The following ZFP90 variants were observed in gnomAD, a reference collection of about 807,000 sequenced individuals.
ZFP90 encodes the protein ZFP90 zinc finger protein.
In ZFP90, 38 loss-of-function variants were observed where a neutral mutation model predicts 60.8. That is an observed-to-expected ratio of 0.62 (90% CI 0.48 to 0.82). The LOEUF is 0.82. Among genes scored for constraint, ZFP90 ranks in the 40% least tolerant of loss-of-function variants. ZFP90 has a pLI of 0.00. For missense variants in ZFP90, 711 were observed against 759.1 expected (o/e 0.94, Z 0.74); for synonymous variants, 287 against 264.8 (o/e 1.08, Z -0.82).
chr16:68,557,430 A>C (rs1489100448), intron 2 of ZFP90: 2 of 360,106 alleles, frequency 5.6e-6, no homozygotes, highest in East Asian at 7.4e-5. Flanking sequence ...TTATTCCACT[A>C]TGCAAAGATC....
At chr16:68,554,785 C>T (rs766816043) in intron 2 of ZFP90, among the ~76,000 whole-genome samples, 1 of 152,058 alleles carries the variant, frequency 6.6e-6, no homozygotes, top group East Asian at 1.9e-4. Context: ...GACCCCATCT[C>T]TATTAAACAA....
rs551779570 is a variant in ZFP90 at position 68,548,474 on chromosome 16, C to CTTTTTT, written c.33+8674_33+8679dup. On this transcript the variant is annotated intron_variant, in intron 2 of 4. Transcript: ENST00000563169. Reference sequence around the variant, plus strand: ...ATATTTCACTGTTCTGTTTATCCTCCTTTTTTTTTTTTTTTTTTTTTTTTT... The same window carrying CTTTTTT: ...ATATTTCACTGTTCTGTTTATCCTCCTTTTTTTTTTTTTTTTTTTTTTTTTTTTTTT... 1.2e-3 allele frequency among the ~76,000 whole-genome samples: 100 copies of CTTTTTT among 81,082 alleles called. 7 individuals carry two copies. The highest frequency in any genetic ancestry group is 4.9e-3 in the African/African-American group (93 of 19,012). The allele number at this position is 81,082 out of a possible 152,430, so 53.2% of individuals were successfully genotyped here. A position where few individuals can be genotyped will look rare whatever the true frequency, so the allele number is the denominator to read the frequency against.
intron 2 of ZFP90, among the ~76,000 whole-genome samples, chr16:68,572,569 T>A (rs904654275): frequency 3.3e-5 from 5 of 152,132 alleles, no homozygotes; most frequent in Admixed American, 6.5e-5. Flanking sequence ...CCTATAGATA[T>A]AAAAACCATG....
At chr16:68,558,369 C>A (rs755009799) in intron 3 of ZFP90, 104 bp from the exon 4 acceptor site, 2 of 1,228,710 alleles carry the variant, frequency 1.6e-6, no homozygotes, top group Non-Finnish European at 1.2e-6. Context: ...CTTTTTTTTC[C>A]TTCAGAGTTC....
chr16:68,575,881 A>G (rs1438857430), exon 3 of ZFP90: 1 of 398,382 alleles, frequency 2.5e-6, no homozygotes, highest in East Asian at 3.6e-5. Flanking sequence ...GAGTGATGTC[A>G]GCAAGAATGG....
chr16:68,564,585 C>T lies in ZFP90; in HGVS notation c.1798C>T (p.Gln600Ter), dbSNP rs1484406717. The change falls in exon 5 of 5, where the codon CAG becomes TAG. Residue 600 changes from glutamine (Q) to a stop codon, truncating the protein, a stop_gained. Transcript: ENST00000563169. LOFTEE classifies it high-confidence loss of function. ...FRKKTNLHDHQRIHTGEKPYS... is the reference protein window; with the variant it reads ...FRKKTNLHDH ...AAAAAAAACCAACCTGCATGATCAT[C>T]AGAGAATTCATACTGGAGAAAAACC... 4.3e-6 allele frequency: 7 copies of T among 1,614,038 alleles called. No individual in the cohort carries two copies. Among genetic ancestry groups the T allele is most frequent in the Non-Finnish European group, 5.9e-6 (7 of 1,179,980 alleles).
Position 68,541,155 on chromosome 16 carries a change from C to T in ZFP90, c.33+1330C>T, listed in dbSNP as rs147584963. On this transcript the variant is annotated intron_variant, in intron 2 of 4. Transcript: ENST00000563169. ...GGTTCAAGTGATTCTCCTGCCTCAA[C>T]CTCCCTAGTAGCTGGGATTAACAGG... Among the ~76,000 whole-genome samples, 796 of 152,180 alleles carry T rather than the reference C, an allele frequency of 5.2e-3. 3 individuals carry two copies. The highest frequency in any genetic ancestry group is 0.017 in the African/African-American group (725 of 41,526).
At chr16:68,539,647 C>A in intron 1 of ZFP90, 111 bp from the exon 2 acceptor site, 1 of 886,928 alleles carries the variant, frequency 1.1e-6, no homozygotes, top group Non-Finnish European at 1.6e-6. Context: ...TTCCACGGTC[C>A]TCGCCACCAT....
At position 68,558,546 on chromosome 16, in the gene ZFP90, A is replaced by G. The variant is rs748827285; in HGVS notation, c.234A>G (p.Glu78=). 6.2e-7 allele frequency: 1 copy of G among 1,613,824 alleles called. No individual in the cohort carries two copies. Among genetic ancestry groups the G allele is most frequent in the Non-Finnish European group, 8.5e-7 (1 of 1,179,952 alleles). Residue 78 remains glutamate, a synonymous_variant, in exon 4 of 5, where the codon GAA becomes GAG. Transcript: ENST00000563169. ...AAGAGCCATGGATATCAGAGGGAGA[A>G]ATCCAACGACCTTTCTATCCAGGTA... is the stretch of plus-strand genomic sequence containing the variant. The part of the protein sequence containing the change: ...QGEEPWISEG[E]IQRPFYPDWK...
intron 2 of ZFP90, among the ~76,000 whole-genome samples, chr16:68,549,786 G>A (rs2091225840): frequency 6.6e-6 from 1 of 152,066 alleles, no homozygotes; most frequent in Admixed American, 6.6e-5. Flanking sequence ...GGAGCACGGA[G>A]GATGTGGGGA....
At chr16:68,569,793 T>A (rs572836107), downstream of ZFP90, among the ~76,000 whole-genome samples, 16 of 152,260 alleles carry the variant, frequency 1.1e-4, no homozygotes, top group East Asian at 1.9e-4. Flanking sequence ...ATAATTTTTT[T>A]AAAAAAGGAA....
At chr16:68,542,097 A>G (rs571682303) in intron 2 of ZFP90, among the ~76,000 whole-genome samples, 1 of 152,266 alleles carries the variant, frequency 6.6e-6, no homozygotes, top group East Asian at 1.9e-4. Flanking sequence ...CCTCAGGGGA[A>G]TGCAAAGATT....
At position 68,539,583 on chromosome 16, in the gene ZFP90, G is replaced by A. The variant is rs541906673; in HGVS notation, c.-36+104G>A. On this transcript the variant is annotated intron_variant, in intron 1 of 4. Coordinates refer to ENST00000563169, the MANE Select transcript of ZFP90 (RefSeq NM_001305203.2). ...TGGGCGTGGCCGGAGGGGGGTGTCC[G>A]GGAGGCCGCTGAGCCTTTCATTTCG... The A allele has an allele frequency of 1.3e-4, 74 of 558,538 alleles. No homozygotes were observed. The South Asian group carries it at 1.7e-3, about 12-fold the overall frequency. 34.6% of individuals were successfully genotyped at this position (558,538 alleles called of 1,614,324 possible).
Position 68,565,961 on chromosome 16 carries a change from T to A in ZFP90, c.*1263T>A, listed in dbSNP as rs1189481948. 560 of 583,796 alleles carry A rather than the reference T, an allele frequency of 9.6e-4. No individual in the cohort carries two copies. Among genetic ancestry groups the A allele is most frequent in the Admixed American group, 1.3e-3 (19 of 14,622 alleles). 36.2% of individuals were successfully genotyped at this position (583,796 alleles called of 1,614,324 possible). On this transcript the variant is annotated 3_prime_UTR_variant, in exon 5 of 5. Coordinates refer to ENST00000563169, the MANE Select transcript of ZFP90 (RefSeq NM_001305203.2). Reference sequence around the variant, plus strand: ...ACAACATGGTGAAACCCCATCTCTTTAAAAAAAAAAAAAAATCCAAAAATT... The same window carrying A: ...ACAACATGGTGAAACCCCATCTCTTAAAAAAAAAAAAAAAATCCAAAAATT...
In ZFP90 at chr16:68,565,903, CTGCT is replaced by C. The variant is rs1353890826; in HGVS notation, c.*1208_*1211del. ...ACTTTGGGTGGCTAAGGCAGATAGA[CTGCT>C]TGAACCCAGGAGTTCAAGACCAGCC... On this transcript the variant is annotated 3_prime_UTR_variant, in exon 5 of 5. Coordinates refer to ENST00000563169, the MANE Select transcript of ZFP90 (RefSeq NM_001305203.2). The C allele has an allele frequency of 1.4e-5, 13 of 937,912 alleles. No homozygotes were observed. Among genetic ancestry groups the C allele is most frequent in the Non-Finnish European group, 1.7e-5 (13 of 787,204 alleles). 58.1% of individuals were successfully genotyped at this position (937,912 alleles called of 1,614,324 possible). A position where few individuals can be genotyped will look rare whatever the true frequency, so the allele number is the denominator to read the frequency against.
intron 2 of ZFP90, among the ~76,000 whole-genome samples, chr16:68,575,507 A>C (rs1358492649): frequency 1.7e-5 from 2 of 115,186 alleles, no homozygotes; most frequent in African/African-American, 3.3e-5. Flanking sequence ...CAGAATGGGG[A>C]GTGTGTGCTG....
At position 68,565,624 on chromosome 16, in the gene ZFP90, T is replaced by C; in HGVS notation, c.*926T>C. ...TATTAAGTCCCCTTATTGTACTTTT[T>C]ATGGCATGCCCATGAAAAAGCACTT... is the stretch of plus-strand genomic sequence containing the variant. On this transcript the variant is annotated 3_prime_UTR_variant, in exon 5 of 5. Transcript: ENST00000563169. The C allele has an allele frequency of 1.0e-6, 1 of 985,608 alleles. No individual in the cohort carries two copies. The highest frequency in any genetic ancestry group is 1.2e-6 in the Non-Finnish European group (1 of 829,922). 61.1% of individuals were successfully genotyped at this position (985,608 alleles called of 1,614,324 possible).
chr16:68,542,250 C>A (rs2091063795), intron 2 of ZFP90, among the ~76,000 whole-genome samples: 1 of 152,162 alleles, frequency 6.6e-6, no homozygotes, highest in Admixed American at 6.5e-5. Flanking sequence ...GGGACCAGGA[C>A]ATTCTGCCGG....
intron 4 of ZFP90, among the ~76,000 whole-genome samples, chr16:68,561,061 A>C (rs1195154042): frequency 6.6e-6 from 1 of 151,710 alleles, no homozygotes; most frequent in African/African-American, 2.4e-5. Context: ...TGCCCGGCTA[A>C]TTTTTTGTAT....
Sources: gnomAD v4.1 joint callset for allele counts (sites outside exome capture counted in the v4.1 genomes callset) on GRCh38, gnomAD v4.1.1 for gene constraint, MANE v1.5 for transcripts, NCBI Gene and HGNC (gene_info 2026-07-23, HGNC 2026-07-21) for gene names.